The following GOPC variants were observed in gnomAD, a reference collection of about 807,000 sequenced individuals.
The protein encoded by GOPC is golgi associated PDZ and coiled-coil motif containing.
GOPC carries 32 observed loss-of-function variants against 51.2 expected under a neutral mutation model. The ratio of observed to expected loss-of-function variants is 0.63; its 90% CI spans 0.47 to 0.84. GOPC has a LOEUF of 0.84. GOPC is among the 40% of genes least tolerant of loss of function. The pLI, the probability that GOPC is intolerant of heterozygous loss-of-function variation, is 0.00. For missense variants in GOPC, 441 were observed against 555.5 expected (o/e 0.79, Z 2.07); for synonymous variants, 190 against 205.1 (o/e 0.93, Z 0.63).
At position 117,560,298 on chromosome 6, in the gene GOPC, TA is replaced by T. The variant is rs144361313; in HGVS notation, c.*2955del. ...ACGTCAAGGAAACAAAATGTTTATT[TA>T]AAAAAATGAGATCAATATCATTTTA... On this transcript the variant is annotated 3_prime_UTR_variant, in exon 9 of 9. Coordinates refer to ENST00000368498, the MANE Select transcript of GOPC (RefSeq NM_020399.4). 524 of 176,072 alleles carry T rather than the reference TA, an allele frequency of 3.0e-3. 3 individuals carry two copies. Among genetic ancestry groups the T allele is most frequent in the African/African-American group, 0.012 (498 of 42,316 alleles). 10.9% of individuals were successfully genotyped at this position (176,072 alleles called of 1,614,324 possible). A position where few individuals can be genotyped will look rare whatever the true frequency, so the allele number is the denominator to read the frequency against.
At chr6:117,589,758 A>G (rs1421200300) in intron 1 of GOPC, among the ~76,000 whole-genome samples, 2 of 152,218 alleles carry the variant, frequency 1.3e-5, no homozygotes, top group Non-Finnish European at 2.9e-5. Flanking sequence ...AGATCCAATC[A>G]ATAAAAAATG....
intron 1 of GOPC, among the ~76,000 whole-genome samples, chr6:117,598,266 T>G (rs924263904): frequency 2.6e-5 from 4 of 151,094 alleles, no homozygotes; most frequent in African/African-American, 9.7e-5. Context: ...CCAAGCTACT[T>G]GGGAGGCTGA....
chr6:117,586,475 CTTTT>C (rs869148559), intron 1 of GOPC, among the ~76,000 whole-genome samples: 4 of 91,936 alleles, frequency 4.4e-5, no homozygotes, highest in Non-Finnish European at 4.3e-5. Context: ...CACAGAGATT[CTTTT>C]TTTTTTTTTT....
Position 117,562,014 on chromosome 6 carries a change from C to A in GOPC, c.*1240G>T. The stretch of plus-strand genomic sequence containing the variant: ...CCCACTTAATATTCCTTTAACTGTA[C>A]GTCCTTTAAAACAGTGATATTAGCA... On this transcript the variant is annotated 3_prime_UTR_variant, in exon 9 of 9. Coordinates refer to ENST00000368498, the MANE Select transcript of GOPC (RefSeq NM_020399.4). The A allele has an allele frequency of 4.9e-6, 1 of 205,354 alleles. No individual in the cohort carries two copies. The highest frequency in any genetic ancestry group is 1.6e-3 in the Middle Eastern group (1 of 626). The allele number at this position is 205,354 out of a possible 1,614,324, so 12.7% of individuals were successfully genotyped here.
rs757556378 is a variant in GOPC, at chr6:117,575,170, T to C, written c.650+7A>G. 6 of 1,587,064 alleles carry C rather than the reference T, an allele frequency of 3.8e-6. No homozygotes were observed. Among genetic ancestry groups the C allele is most frequent in the Middle Eastern group, 3.4e-4 (2 of 5,910 alleles). ...TAAGAGTACAATAATACCCATTTTT[T>C]ACACACCTTCCTGCCAGTTCCTTAT... On this transcript the variant is annotated splice_region_variant and intron_variant, in intron 4 of 8. Transcript: ENST00000368498.
In GOPC at chr6:117,575,274, C is replaced by CT; in HGVS notation, c.552dup (p.Glu185ArgfsTer3). ...ATATGTCTACGAAGGGCTTCATTCT[C>CT]TTTTCTCAACAATTTCACTTCAGCT... On this transcript the variant is annotated frameshift_variant, in exon 4 of 9. Transcript: ENST00000368498. LOFTEE classifies it high-confidence loss of function. 6.2e-7 allele frequency: 1 copy of CT among 1,613,756 alleles called. No homozygotes were observed. The highest frequency in any genetic ancestry group is 8.5e-7 in the Non-Finnish European group (1 of 1,179,802).
At chr6:117,588,111 T>G (rs1290513925) in intron 1 of GOPC, among the ~76,000 whole-genome samples, 4 of 152,104 alleles carry the variant, frequency 2.6e-5, no homozygotes, top group Non-Finnish European at 5.9e-5. Context: ...GAACTCCTAG[T>G]CTAAAGTGAT....
At chr6:117,570,991 AT>A in intron 5 of GOPC, 36 bp from the exon 6 acceptor site, 1 of 1,050,090 alleles carries the variant, frequency 9.5e-7, no homozygotes. Flanking sequence ...AAGTAGTATC[AT>A]TTAAATAGCA....
intron 4 of GOPC, among the ~76,000 whole-genome samples, chr6:117,574,784 T>C (rs1052663086): frequency 3.3e-5 from 5 of 152,130 alleles, no homozygotes; most frequent in African/African-American, 7.2e-5. Context: ...TCATTTACCA[T>C]AAGAAAAAAG....
rs552130491 is a variant in GOPC, at chr6:117,586,281, TA to T, written c.286-7218del. Among the ~76,000 whole-genome samples, 237 of 152,162 alleles carry T rather than the reference TA, an allele frequency of 1.6e-3. 1 individual carries two copies. The highest frequency in any genetic ancestry group is 5.4e-3 in the African/African-American group (226 of 41,526). On this transcript the variant is annotated intron_variant, in intron 1 of 8. Coordinates refer to ENST00000368498, the MANE Select transcript of GOPC (RefSeq NM_020399.4). The stretch of plus-strand genomic sequence containing the variant: ...ATATAGAGATGGCAGGATAACACTA[TA>T]AAAAATACTAATGTATTAGTTATTG...
At chr6:117,567,578 G>C (rs1779724460) in intron 7 of GOPC, among the ~76,000 whole-genome samples, 1 of 152,012 alleles carries the variant, frequency 6.6e-6, no homozygotes, top group Non-Finnish European at 1.5e-5. Flanking sequence ...TAGGTCTTGA[G>C]TAAGAACTTA....
rs762347300 is a variant in GOPC at position 117,602,192 on chromosome 6, A to G, written c.97T>C (p.Trp33Arg). ...GAPGGVSMFRWLEVLEKEFDK... is the reference protein window; with the variant it reads ...GAPGGVSMFRRLEVLEKEFDK... ...AACTCCTTCTCCAGCACCTCCAGCC[A>G]CCGGAACATGGATACCCCGCCAGGG... Residue 33 changes from tryptophan (W) to arginine (R), a missense_variant, in exon 1 of 9, where the codon TGG becomes CGG. By Grantham distance (101) the Trp-to-Arg change is moderately radical. This residue lies in a region of GOPC where 204 missense variants were observed against 219.8 expected (regional missense o/e 0.93). Coordinates refer to ENST00000368498, the MANE Select transcript of GOPC (RefSeq NM_020399.4). 1 of 1,611,754 alleles carries G rather than the reference A, an allele frequency of 6.2e-7. No individual in the cohort carries two copies. The highest frequency in any genetic ancestry group is 8.5e-7 in the Non-Finnish European group (1 of 1,179,970).
intron 1 of GOPC, among the ~76,000 whole-genome samples, chr6:117,593,586 A>G (rs888776138): frequency 2.0e-5 from 3 of 152,148 alleles, no homozygotes; most frequent in African/African-American, 7.2e-5. Context: ...TGATTTCTCT[A>G]GCTCCGTAGC....
At chr6:117,575,376 A>T in intron 3 of GOPC, 24 bp from the exon 4 acceptor site, 1 of 1,533,262 alleles carries the variant, frequency 6.5e-7, no homozygotes, top group Non-Finnish European at 8.9e-7. Context: ...AAAAGCATAT[A>T]ATTTAATGAA....
intron 1 of GOPC, among the ~76,000 whole-genome samples, chr6:117,596,097 G>A (rs542400707): frequency 6.6e-6 from 1 of 152,216 alleles, no homozygotes; most frequent in African/African-American, 2.4e-5. Context: ...CATTCTTGCA[G>A]GAGTAAGGTA....
chr6:117,575,578 T>C (rs571581063), intron 3 of GOPC: 37 of 715,856 alleles, frequency 5.2e-5, no homozygotes, highest in Middle Eastern at 2.6e-4. Context: ...TGGAGTATAG[T>C]AAGAAAAGTA....
At chr6:117,586,267 G>A (rs1780031832) in intron 1 of GOPC, among the ~76,000 whole-genome samples, 1 of 151,882 alleles carries the variant, frequency 6.6e-6, no homozygotes, top group African/African-American at 2.4e-5. Flanking sequence ...TATAGAGATG[G>A]CAGGATAACA....
At chr6:117,566,045 CA>C (rs930632508) in intron 8 of GOPC, among the ~76,000 whole-genome samples, 13 of 152,170 alleles carry the variant, frequency 8.5e-5, no homozygotes, top group Non-Finnish European at 7.4e-5. Flanking sequence ...TATTTTTAAG[CA>C]AAATTGGTAT....
At chr6:117,586,703 G>C (rs1237012213) in intron 1 of GOPC, among the ~76,000 whole-genome samples, 1 of 151,672 alleles carries the variant, frequency 6.6e-6, no homozygotes, top group African/African-American at 2.4e-5. Flanking sequence ...GGATGGTCTC[G>C]ATCTCCTGAC....
Sources: allele counts gnomAD v4.1 joint callset (sites outside exome capture counted in the v4.1 genomes callset), GRCh38; gene constraint gnomAD v4.1.1; regional missense constraint gnomAD v4.1.1; transcripts MANE v1.5; gene names NCBI Gene and HGNC (gene_info 2026-07-23, HGNC 2026-07-21).